CATSPERB: variants seen among roughly 807,000 people sequenced by gnomAD.
The protein encoded by CATSPERB is catsper channel auxiliary subunit beta, also known as cation channel sperm-associated auxiliary subunit beta.
CATSPERB carries 93 observed loss-of-function variants against 128.3 expected under a neutral mutation model. That is an observed-to-expected ratio of 0.72 (90% CI 0.61 to 0.86). The LOEUF (loss-of-function observed/expected upper bound fraction) is 0.86. Ranked by LOEUF, CATSPERB falls within the 40% of genes least tolerant of loss-of-function variation. The pLI, the probability that CATSPERB is intolerant of heterozygous loss-of-function variation, is 0.00. For missense variants in CATSPERB, 1,153 were observed against 1,329.5 expected, an observed-to-expected ratio of 0.87 and a Z score of 2.06; for synonymous variants, 381 against 448.8, an observed-to-expected ratio of 0.85 and a Z score of 1.91.
chr14:91,712,627 T>C (rs914477819), intron 5 of CATSPERB, among the ~76,000 whole-genome samples: 1 of 152,256 alleles, frequency 6.6e-6, no homozygotes, highest in African/African-American at 2.4e-5. Context: ...GATTATCGTA[T>C]ACTTAATAAA....
At chr14:91,699,724 C>A (rs780237014) in intron 7 of CATSPERB, among the ~76,000 whole-genome samples, 2 of 151,736 alleles carry the variant, frequency 1.3e-5, no homozygotes, top group African/African-American at 2.4e-5. Flanking sequence ...CAGGCACCCA[C>A]TACCACGCCC....
intron 15 of CATSPERB, among the ~76,000 whole-genome samples, chr14:91,653,475 C>T (rs868354919): frequency 1.3e-5 from 2 of 152,004 alleles, no homozygotes; most frequent in Non-Finnish European, 2.9e-5. Flanking sequence ...AAGACATGCC[C>T]GAGACTGGGC....
chr14:91,719,383 C>A, intron 5 of CATSPERB, 35 bp downstream of exon 5: 1 of 1,430,460 alleles, frequency 7.0e-7, no homozygotes. Flanking sequence ...AAATCCAGAC[C>A]CAGGGGTAAA....
intron 10 of CATSPERB, among the ~76,000 whole-genome samples, chr14:91,690,621 T>C (rs1373952023): frequency 6.6e-6 from 1 of 152,254 alleles, no homozygotes; most frequent in Non-Finnish European, 1.5e-5. Context: ...ATGCAAATCA[T>C]TTTTGCCCAT....
chr14:91,621,777 T>C lies in CATSPERB; in HGVS notation c.2091A>G (p.Thr697=). Residue 697 remains threonine (T), a synonymous_variant, in exon 19 of 27, where the codon ACA becomes ACG. Coordinates refer to ENST00000256343, the MANE Select transcript of CATSPERB (RefSeq NM_024764.4). The part of the protein sequence containing the change: ...APNNMTFLKS[T]WFLYNFGQRN... ...TTTGCCCAAAGTTGTATAAGAACCATGTGCTCTTTAGAAAGGTCATATTGT... is the reference window on the plus strand; with the variant it reads ...TTTGCCCAAAGTTGTATAAGAACCACGTGCTCTTTAGAAAGGTCATATTGT... The C allele has an allele frequency of 6.2e-7, 1 of 1,614,194 alleles. No homozygotes were observed. The highest frequency in any genetic ancestry group is 2.2e-5 in the East Asian group (1 of 44,872).
intron 22 of CATSPERB, among the ~76,000 whole-genome samples, chr14:91,599,403 C>CA (rs1307296113): frequency 6.6e-6 from 1 of 151,874 alleles, no homozygotes; most frequent in Non-Finnish European, 1.5e-5. Flanking sequence ...ACTAAAAATA[C>CA]AAAAAATTAG....
At chr14:91,611,001 T>A (rs1893815021) in intron 20 of CATSPERB, among the ~76,000 whole-genome samples, 1 of 152,224 alleles carries the variant, frequency 6.6e-6, no homozygotes, top group African/African-American at 2.4e-5. Flanking sequence ...CCAACCCTGC[T>A]GATATCTTGC....
intron 4 of CATSPERB, 60 bp downstream of exon 4, chr14:91,722,989 A>T: frequency 7.8e-7 from 1 of 1,288,150 alleles, no homozygotes; most frequent in Non-Finnish European, 1.0e-6. Flanking sequence ...AATACATCCT[A>T]TAAGGAAGAG....
chr14:91,652,670 CAAAAAAAAAAAAAAAAAA>C (rs58608847), intron 15 of CATSPERB, among the ~76,000 whole-genome samples: 1 of 69,166 alleles, frequency 1.4e-5, no homozygotes, highest in Non-Finnish European at 2.5e-5. Context: ...GACTCTGTCT[CAAAAAAAAAAAAAAAAAA>C]AAAAAAAAAA....
At chr14:91,611,437 C>T (rs1011628045) in intron 20 of CATSPERB, among the ~76,000 whole-genome samples, 11 of 152,030 alleles carry the variant, frequency 7.2e-5, no homozygotes, top group Non-Finnish European at 1.3e-4. Context: ...TGGTGAAACC[C>T]CACCTCTACT....
At chr14:91,631,839 T>A (rs1352335961) in intron 17 of CATSPERB, among the ~76,000 whole-genome samples, 2 of 152,118 alleles carry the variant, frequency 1.3e-5, no homozygotes, top group African/African-American at 4.8e-5. Context: ...CAGAGTTTAA[T>A]GATTACATAT....
intron 5 of CATSPERB, among the ~76,000 whole-genome samples, chr14:91,715,327 C>T (rs1008716749): frequency 8.6e-5 from 13 of 151,788 alleles, no homozygotes; most frequent in African/African-American, 2.9e-4. Flanking sequence ...TTTGGGAGGC[C>T]GAGGTGGGTG....
chr14:91,707,359 T>A (rs551468408), intron 6 of CATSPERB, among the ~76,000 whole-genome samples: 1 of 152,306 alleles, frequency 6.6e-6, no homozygotes, highest in South Asian at 2.1e-4. Flanking sequence ...AATTTTATAT[T>A]GATATTTCAG....
At chr14:91,603,507 T>C (rs1893643597) in intron 22 of CATSPERB, 1 of 998,444 alleles carries the variant, frequency 1.0e-6, no homozygotes, top group East Asian at 2.4e-5. Flanking sequence ...ACTCTGCAGC[T>C]GAAATGCCGG....
chr14:91,687,867 A>G (rs1287406892), intron 10 of CATSPERB, among the ~76,000 whole-genome samples: 1 of 150,780 alleles, frequency 6.6e-6, no homozygotes, highest in Non-Finnish European at 1.5e-5. Context: ...AGGCAGGAGA[A>G]TTGCTTGAAC....
intron 7 of CATSPERB, among the ~76,000 whole-genome samples, chr14:91,702,508 A>G (rs554119292): frequency 6.6e-6 from 1 of 152,054 alleles, no homozygotes; most frequent in African/African-American, 2.4e-5. Flanking sequence ...CCCTATACTG[A>G]TGCATACTGT....
chr14:91,611,869 T>G (rs571480489), intron 20 of CATSPERB, among the ~76,000 whole-genome samples: 4 of 152,256 alleles, frequency 2.6e-5, no homozygotes, highest in African/African-American at 9.6e-5. Flanking sequence ...ACAACAAAAT[T>G]TATTTTAAAA....
At chr14:91,638,494 C>T (rs1472116501) in intron 16 of CATSPERB, among the ~76,000 whole-genome samples, 2 of 151,702 alleles carry the variant, frequency 1.3e-5, no homozygotes, top group East Asian at 3.9e-4. Context: ...GATCGCAGTT[C>T]ACTTCAGCCT....
At chr14:91,639,890 G>C (rs1029809003) in intron 15 of CATSPERB, among the ~76,000 whole-genome samples, 5 of 149,558 alleles carry the variant, frequency 3.3e-5, no homozygotes, top group Admixed American at 3.3e-4. Flanking sequence ...GTTAGCTCAG[G>C]CTCTCCTAGC....
Sources: allele counts gnomAD v4.1 joint callset (sites outside exome capture counted in the v4.1 genomes callset), GRCh38; gene constraint gnomAD v4.1.1; transcripts MANE v1.5; gene names NCBI Gene and HGNC (gene_info 2026-07-23, HGNC 2026-07-21).